The following TMC1 variants were observed in gnomAD, a reference collection of about 807,000 sequenced individuals.
The protein encoded by TMC1 is transmembrane channel like 1, also known as transmembrane channel-like protein 1.
TMC1 carries 84 observed loss-of-function variants against 105.8 expected under a neutral mutation model. The ratio of observed to expected loss-of-function variants is 0.79; its 90% CI spans 0.67 to 0.95. The LOEUF (loss-of-function observed/expected upper bound fraction) is 0.95, where lower values mean the gene tolerates loss of function less well. Among genes scored for constraint, TMC1 ranks in the 40% least tolerant of loss-of-function variants. The pLI is 0.00. For missense variants in TMC1, 817 were observed against 914.1 expected (o/e 0.89, Z 1.37); for synonymous variants, 315 against 311.5 (o/e 1.01, Z -0.12).
At chr9:72,766,687 G>A (rs946562325) in intron 12 of TMC1, among the ~76,000 whole-genome samples, 1 of 152,188 alleles carries the variant, frequency 6.6e-6, no homozygotes, top group South Asian at 2.1e-4. Flanking sequence ...TGCTTGAGGG[G>A]CAGAGATCAC....
intron 5 of TMC1, among the ~76,000 whole-genome samples, chr9:72,659,112 A>G (rs1457555713): frequency 6.6e-6 from 1 of 152,218 alleles, no homozygotes; most frequent in African/African-American, 2.4e-5. Flanking sequence ...TTCCGCACTT[A>G]GGTCTCCAAG....
At chr9:72,797,053 C>T (rs534868855) in intron 17 of TMC1, among the ~76,000 whole-genome samples, 10 of 151,982 alleles carry the variant, frequency 6.6e-5, no homozygotes, top group East Asian at 1.9e-4. Flanking sequence ...CAAAATTGCT[C>T]GCATTCTTAT....
At chr9:72,540,107 G>A (rs964441579) in intron 1 of TMC1, among the ~76,000 whole-genome samples, 9 of 152,154 alleles carry the variant, frequency 5.9e-5, no homozygotes, top group African/African-American at 2.2e-4. Flanking sequence ...CCCTGCCAGG[G>A]AGGTCATTAA....
chr9:72,806,763 G>A (rs959636992), intron 18 of TMC1, among the ~76,000 whole-genome samples: 3 of 148,030 alleles, frequency 2.0e-5, no homozygotes, highest in Non-Finnish European at 4.4e-5. Context: ...GGGCGGAGAC[G>A]CTCCTCACTT....
chr9:72,584,267 C>CT (rs11374672), intron 2 of TMC1, among the ~76,000 whole-genome samples: 61,051 of 138,042 alleles, frequency 0.44, 15,125 homozygotes, highest in African/African-American at 0.68. Flanking sequence ...AATGTCACTA[C>CT]TTTTTTTTTT....
intron 10 of TMC1, among the ~76,000 whole-genome samples, chr9:72,743,594 G>C (rs1272082629): frequency 6.9e-6 from 1 of 144,534 alleles, no homozygotes; most frequent in Non-Finnish European, 1.5e-5. Flanking sequence ...AAGAAAGAAA[G>C]AAAAAAAACG....
At chr9:72,629,771 A>G (rs1825415539) in intron 4 of TMC1, among the ~76,000 whole-genome samples, 1 of 152,234 alleles carries the variant, frequency 6.6e-6, no homozygotes, top group South Asian at 2.1e-4. Context: ...CTTGAGAATG[A>G]TAACTTTAGA....
Position 72,616,391 on chromosome 9 carries a change from T to C in TMC1, c.-282T>C, listed in dbSNP as rs1461691703. 1 of 152,136 alleles carries C rather than the reference T, an allele frequency of 6.6e-6. No individual in the cohort carries two copies. Among genetic ancestry groups the C allele is most frequent in the East Asian group, 1.9e-4 (1 of 5,190 alleles). 9.4% of individuals were successfully genotyped at this position (152,136 alleles called of 1,614,324 possible). A position where few individuals can be genotyped will look rare whatever the true frequency, so the allele number is the denominator to read the frequency against. ...AGGCCATGAAAGATCACTGTTTTAG[T>C]CTGCGTGGTGCAGTGGAACAGATAG... On this transcript the variant is annotated 5_prime_UTR_variant, in exon 3 of 24. Transcript: ENST00000297784.
chr9:72,772,855 T>A (rs1487748711), intron 13 of TMC1, among the ~76,000 whole-genome samples: 1 of 152,176 alleles, frequency 6.6e-6, no homozygotes, highest in African/African-American at 2.4e-5. Flanking sequence ...TGTGAATTAA[T>A]GTTGCCAGCA....
At chr9:72,570,956 T>C (rs1824272557) in intron 1 of TMC1, among the ~76,000 whole-genome samples, 1 of 149,064 alleles carries the variant, frequency 6.7e-6, no homozygotes, top group Non-Finnish European at 1.5e-5. Context: ...CCCAAAGTGC[T>C]GGGATTACAG....
chr9:72,557,277 A>C (rs1192786968), intron 1 of TMC1, among the ~76,000 whole-genome samples: 1 of 152,148 alleles, frequency 6.6e-6, no homozygotes, highest in Non-Finnish European at 1.5e-5. Flanking sequence ...AGGCCAAGGC[A>C]GGAGAATCGC....
intron 12 of TMC1, among the ~76,000 whole-genome samples, chr9:72,762,211 C>T (rs1827768454): frequency 1.3e-5 from 2 of 152,246 alleles, no homozygotes; most frequent in African/African-American, 4.8e-5. Context: ...TAGATAAATT[C>T]CATATTGGTT....
intron 5 of TMC1, among the ~76,000 whole-genome samples, chr9:72,651,884 A>G (rs1825819539): frequency 6.6e-6 from 1 of 152,072 alleles, no homozygotes; most frequent in Non-Finnish European, 1.5e-5. Context: ...ACTATGCCCA[A>G]TGTGTAGTCT....
chr9:72,621,420 G>A (rs370984851), intron 3 of TMC1, among the ~76,000 whole-genome samples: 7 of 152,088 alleles, frequency 4.6e-5, no homozygotes, highest in South Asian at 2.1e-4. Flanking sequence ...AGAGGACATC[G>A]TGAATATTTT....
chr9:72,542,257 T>TG (rs1283936731), intron 1 of TMC1, among the ~76,000 whole-genome samples: 1 of 152,010 alleles, frequency 6.6e-6, no homozygotes, highest in African/African-American at 2.4e-5. Context: ...GGTCAGGAGA[T>TG]GGAGACCATC....
At chr9:72,705,938 C>G (rs943560886) in intron 8 of TMC1, among the ~76,000 whole-genome samples, 3 of 152,138 alleles carry the variant, frequency 2.0e-5, no homozygotes, top group African/African-American at 7.2e-5. Flanking sequence ...CCCAGTAAAG[C>G]CAGGAAAGTT....
chr9:72,832,664 C>T (rs567779005), intron 23 of TMC1, among the ~76,000 whole-genome samples: 1 of 152,174 alleles, frequency 6.6e-6, no homozygotes, highest in Non-Finnish European at 1.5e-5. Flanking sequence ...GTTTTGTTGC[C>T]TTCTTTATGC....
intron 8 of TMC1, among the ~76,000 whole-genome samples, chr9:72,732,595 T>A (rs972251658): frequency 6.6e-6 from 1 of 152,024 alleles, no homozygotes; most frequent in African/African-American, 2.4e-5. Context: ...TAAATATCTT[T>A]GGATAATAAC....
At chr9:72,559,332 G>A (rs900488106) in intron 1 of TMC1, among the ~76,000 whole-genome samples, 3 of 152,162 alleles carry the variant, frequency 2.0e-5, no homozygotes, top group African/African-American at 7.2e-5. Flanking sequence ...CTGACCTCAT[G>A]ATCCACCCGC....
Sources: allele counts gnomAD v4.1 joint callset (sites outside exome capture counted in the v4.1 genomes callset), GRCh38; gene constraint gnomAD v4.1.1; transcripts MANE v1.5; gene names NCBI Gene and HGNC (gene_info 2026-07-23, HGNC 2026-07-21).